Variants in COLGALT1 observed in about 807,000 individuals in gnomAD.
COLGALT1 encodes the protein procollagen galactosyltransferase 1.
A neutral mutation model predicts 60.8 loss-of-function variants in COLGALT1; 43 were observed. That is an observed-to-expected ratio of 0.71 (90% confidence interval 0.55 to 0.91). COLGALT1 has a LOEUF of 0.91. Among genes scored for constraint, COLGALT1 ranks in the 40% least tolerant of loss-of-function variants. COLGALT1 has a pLI of 0.00. For missense variants in COLGALT1, 845 were observed against 880.0 expected (o/e 0.96, Z 0.50); for synonymous variants, 369 against 374.2 (o/e 0.99, Z 0.16).
At chr19:17,556,459 C>T in intron 1 of COLGALT1, 10 of 831,914 alleles carry the variant, frequency 1.2e-5, no homozygotes, top group Non-Finnish European at 1.4e-5. Flanking sequence ...CTCAGCCTGG[C>T]TCCAGGCCCC....
chr19:17,567,434 A>G lies in COLGALT1; in HGVS notation c.518A>G (p.Asn173Ser), dbSNP rs755142919. Residue 173 changes from asparagine to serine, a missense_variant, in exon 4 of 12, where the codon AAC becomes AGC. Transcript: ENST00000252599. Reference protein sequence around the residue: ...LFVDADNLILNPDTLSLLIAE... With the variant: ...LFVDADNLILSPDTLSLLIAE... ...GTAGATGCGGACAACCTGATCCTCA[A>G]CCCTGACACACTGAGCCTGCTCATC... 1.6e-5 allele frequency: 26 copies of G among 1,613,724 alleles called. No homozygotes were observed. Among genetic ancestry groups the G allele is most frequent in the African/African-American group, 1.1e-4 (8 of 74,874 alleles).
chr19:17,558,001 G>A (rs765459171), intron 1 of COLGALT1, among the ~76,000 whole-genome samples: 1 of 151,792 alleles, frequency 6.6e-6, no homozygotes, highest in Non-Finnish European at 1.5e-5. Flanking sequence ...GCAGTGGCAC[G>A]ATCTCGGCTC....
intron 6 of COLGALT1, among the ~76,000 whole-genome samples, chr19:17,573,637 G>T (rs761843965): frequency 6.6e-6 from 1 of 152,152 alleles, no homozygotes; most frequent in Non-Finnish European, 1.5e-5. Context: ...GTTGGAGGCC[G>T]CAGTGAGCCA....
At chr19:17,559,689 C>T (rs2076236921) in intron 2 of COLGALT1, among the ~76,000 whole-genome samples, 2 of 152,208 alleles carry the variant, frequency 1.3e-5, no homozygotes, top group African/African-American at 2.4e-5. Context: ...TTCCCTGGCT[C>T]ACTGACTCAG....
At chr19:17,565,503 A>C (rs1348050748) in intron 3 of COLGALT1, among the ~76,000 whole-genome samples, 1 of 151,858 alleles carries the variant, frequency 6.6e-6, no homozygotes, top group African/African-American at 2.4e-5. Context: ...TGAGCGTACA[A>C]AGACCTGTTT....
chr19:17,574,351 ACGGTGTCTCACTTTGTC>A (rs1342542526), intron 6 of COLGALT1, among the ~76,000 whole-genome samples: 2 of 148,170 alleles, frequency 1.3e-5, no homozygotes, highest in Non-Finnish European at 3.0e-5. Context: ...TTTTTTTGAG[ACGGTGTCTCACTTTGTC>A]ACCCAGGCTG....
Position 17,579,622 on chromosome 19 carries a change from C to A in COLGALT1, c.1394+13C>A. 1 of 1,205,508 alleles carries A rather than the reference C, an allele frequency of 8.3e-7. No homozygotes were observed. Among genetic ancestry groups the A allele is most frequent in the South Asian group, 1.6e-5 (1 of 61,886 alleles). The allele number at this position is 1,205,508 out of a possible 1,614,324, so 74.7% of individuals were successfully genotyped here. On this transcript the variant is annotated intron_variant, in intron 10 of 11. Coordinates refer to ENST00000252599, the MANE Select transcript of COLGALT1 (RefSeq NM_024656.4). Reference sequence around the variant, plus strand: ...ACTGGGACCTCATGTGAGTGGGGGTCTGAGGATGGGGTGAAGCTGGGGCCT... The same window carrying A: ...ACTGGGACCTCATGTGAGTGGGGGTATGAGGATGGGGTGAAGCTGGGGCCT...
chr19:17,580,932 T>C, intron 11 of COLGALT1, 27 bp downstream of exon 11: 3 of 1,611,550 alleles, frequency 1.9e-6, no homozygotes, highest in Non-Finnish European at 2.5e-6. Context: ...GCTGCTGGGC[T>C]GGGGTTTCAC....
chr19:17,577,202 C>G lies in COLGALT1; in HGVS notation c.957C>G (p.His319Gln), dbSNP rs1384522522. The change falls in exon 7 of 12, where the codon CAC becomes CAG. Residue 319 changes from histidine (H) to glutamine (Q), a missense_variant. His to Gln is a conservative substitution (Grantham distance 24). Transcript: ENST00000252599. ...AACGTCTGTGCCCCACAGTGAAGCACCCGCCCGCAGAGCCCTCCCGCTTCA... is the reference window on the plus strand; with the variant it reads ...AACGTCTGTGCCCCACAGTGAAGCAGCCGCCCGCAGAGCCCTCCCGCTTCA... ...MHVQLEVMVK[H>Q]PPAEPSRFIS... 1.9e-6 allele frequency: 3 copies of G among 1,613,056 alleles called. No homozygotes were observed. In the African/African-American group the frequency reaches 4.0e-5, roughly 22 times the overall value.
At chr19:17,562,450 T>C (rs2076254733) in intron 3 of COLGALT1, among the ~76,000 whole-genome samples, 1 of 152,076 alleles carries the variant, frequency 6.6e-6, no homozygotes, top group Non-Finnish European at 1.5e-5. Flanking sequence ...ATTGTTTGAC[T>C]TCAGGAGTTT....
In COLGALT1 at chr19:17,555,924, C is replaced by A; in HGVS notation, c.211C>A (p.Leu71Met). 1 of 1,397,150 alleles carries A rather than the reference C, an allele frequency of 7.2e-7. No individual in the cohort carries two copies. Among genetic ancestry groups the A allele is most frequent in the Non-Finnish European group, 9.3e-7 (1 of 1,075,198 alleles). 86.5% of individuals were successfully genotyped at this position (1,397,150 alleles called of 1,614,324 possible). ...RNAAHALPTT[L>M]GALERLRHPR... ...CGCGGCCCACGCGTTGCCCACCACG[C>A]TGGGCGCACTCGAGCGGCTGCGGCA... is the stretch of plus-strand genomic sequence containing the variant. Residue 71 changes from leucine to methionine, a missense_variant, in exon 1 of 12, where the codon CTG (leucine) becomes ATG (methionine). Transcript: ENST00000252599.
Position 17,580,888 on chromosome 19 carries a change from G to T in COLGALT1, c.1584G>T (p.Met528Ile), listed in dbSNP as rs766548989. Reference protein sequence around the residue: ...MLPVDEFLPVMFDKHPVSEYK... With the variant: ...MLPVDEFLPVIFDKHPVSEYK... ...CTGTGGACGAGTTCCTGCCCGTCAT[G>T]TTCGACAAACACCCAGTGTGAGAGG... Residue 528 changes from methionine to isoleucine, a missense_variant, in exon 11 of 12, where the codon ATG becomes ATT. Coordinates refer to ENST00000252599, the MANE Select transcript of COLGALT1 (RefSeq NM_024656.4). The T allele has an allele frequency of 1.2e-6, 2 of 1,613,756 alleles. No homozygotes were observed. Among genetic ancestry groups the T allele is most frequent in the Admixed American group, 3.3e-5 (2 of 59,972 alleles).
In COLGALT1 at chr19:17,555,795, C is replaced by T. The variant is rs1292443014; in HGVS notation, c.82C>T (p.Pro28Ser). ...LLLLLLAPLPPGAPPGADAYF... is the reference protein window; with the variant it reads ...LLLLLLAPLPSGAPPGADAYF... ...GCTTCTGCTGCTGGCGCCACTGCCG[C>T]CGGGGGCCCCGCCGGGCGCCGACGC... The change falls in exon 1 of 12, where the codon CCG becomes TCG. Residue 28 changes from proline (P) to serine (S), a missense_variant. Coordinates refer to ENST00000252599, the MANE Select transcript of COLGALT1 (RefSeq NM_024656.4). 8.0e-7 allele frequency: 1 copy of T among 1,248,270 alleles called. No individual in the cohort carries two copies. The highest frequency in any genetic ancestry group is 1.6e-5 in the African/African-American group (1 of 64,094). 77.3% of individuals were successfully genotyped at this position (1,248,270 alleles called of 1,614,324 possible). A position where few individuals can be genotyped will look rare whatever the true frequency, so the allele number is the denominator to read the frequency against.
chr19:17,567,085 A>C (rs527508788), intron 3 of COLGALT1, among the ~76,000 whole-genome samples: 1 of 152,258 alleles, frequency 6.6e-6, no homozygotes, highest in African/African-American at 2.4e-5. Flanking sequence ...ACTGCACTCC[A>C]GCCTGGGTGA....
chr19:17,556,109 C>A (rs2076209411), intron 1 of COLGALT1, 136 bp downstream of exon 1: 1 of 1,038,714 alleles, frequency 9.6e-7, no homozygotes, highest in Non-Finnish European at 1.2e-6. Flanking sequence ...GCTCGCTACC[C>A]CCATCGGGAC....
chr19:17,575,362 C>T (rs1174271294), intron 6 of COLGALT1, among the ~76,000 whole-genome samples: 1 of 152,190 alleles, frequency 6.6e-6, no homozygotes, highest in East Asian at 1.9e-4. Flanking sequence ...TCTCCTGCCT[C>T]AGCCTCCCGA....
At position 17,579,491 on chromosome 19, in the gene COLGALT1, C is replaced by G. The variant is rs754214674; in HGVS notation, c.1276C>G (p.Arg426Gly). 6 of 1,613,902 alleles carry G rather than the reference C, an allele frequency of 3.7e-6. No individual in the cohort carries two copies. The Admixed American group carries it at 5.0e-5, about 13-fold the overall frequency. The change falls in exon 10 of 12, where the codon CGG (arginine) becomes GGG (glycine). Residue 426 changes from arginine (R) to glycine (G), a missense_variant. Coordinates refer to ENST00000252599, the MANE Select transcript of COLGALT1 (RefSeq NM_024656.4). ...HYNIWKEVVD[R>G]GLQKSLVFED... is the part of the protein sequence containing the mutation. ...GGGCTTCCTCCCTCAGGTGGTGGACCGGGGGCTGCAGAAATCGCTTGTGTT... is the reference window on the plus strand; with the variant it reads ...GGGCTTCCTCCCTCAGGTGGTGGACGGGGGGCTGCAGAAATCGCTTGTGTT...
rs1215928593 is a variant in COLGALT1 at position 17,580,913 on chromosome 19, G to A, written c.1601+8G>A. ...GTTCGACAAACACCCAGTGTGAGAG[G>A]GGCAGGCGGCTGCTGGGCTGGGGTT... On this transcript the variant is annotated splice_region_variant and intron_variant, in intron 11 of 11. Coordinates refer to ENST00000252599, the MANE Select transcript of COLGALT1 (RefSeq NM_024656.4). 2 of 1,613,180 alleles carry A rather than the reference G, an allele frequency of 1.2e-6. No individual in the cohort carries two copies. Among genetic ancestry groups the A allele is most frequent in the Non-Finnish European group, 1.7e-6 (2 of 1,179,974 alleles).
At chr19:17,557,993 A>G (rs1568471373) in intron 1 of COLGALT1, among the ~76,000 whole-genome samples, 3 of 152,140 alleles carry the variant, frequency 2.0e-5, no homozygotes, top group East Asian at 3.9e-4. Context: ...GCTGGAGTGC[A>G]GTGGCACGAT....
Sources: gnomAD v4.1 joint callset for allele counts (sites outside exome capture counted in the v4.1 genomes callset) on GRCh38, gnomAD v4.1.1 for gene constraint, MANE v1.5 for transcripts, NCBI Gene and HGNC (gene_info 2026-07-23, HGNC 2026-07-21) for gene names.